Variants in CLASP1 observed in about 807,000 individuals in gnomAD.
The protein encoded by CLASP1 is CLIP-associating protein 1.
A neutral mutation model predicts 192.3 loss-of-function variants in CLASP1; 38 were observed. The observed-to-expected ratio is 0.20, with a 90% CI of 0.15 to 0.26. The LOEUF (loss-of-function observed/expected upper bound fraction) is 0.26, where lower values mean the gene tolerates loss of function less well. Among genes scored for constraint, CLASP1 ranks in the 10% least tolerant of loss-of-function variants. The probability of loss-of-function intolerance (pLI) is 1.00; values close to 1 mark genes in which losing one functional copy is unlikely to be tolerated. For missense variants in CLASP1, 1,433 were observed against 1,932.5 expected, an observed-to-expected ratio of 0.74 and a Z score of 4.85; for synonymous variants, 691 against 712.8, an observed-to-expected ratio of 0.97 and a Z score of 0.49.
rs541982110 is a variant in CLASP1 at position 121,516,379 on chromosome 2, G to A, written c.547-617C>T. Among the ~76,000 whole-genome samples, 5 of 152,342 alleles carry A rather than the reference G, an allele frequency of 3.3e-5. No individual in the cohort carries two copies. The South Asian group carries it at 6.2e-4, about 19-fold the overall frequency. On this transcript the variant is annotated intron_variant, in intron 6 of 39. Coordinates refer to ENST00000263710, the Ensembl canonical transcript of CLASP1. ...TGCCATATGAGGAAGAAACCACTGC[G>A]AAGTGCTTGGAACAGCAGGATTTCA... is the stretch of plus-strand genomic sequence containing the variant.
intron 2 of CLASP1, among the ~76,000 whole-genome samples, chr2:121,563,888 C>A (rs2105332746): frequency 6.6e-6 from 1 of 152,312 alleles, no homozygotes; most frequent in African/African-American, 2.4e-5. Context: ...ATTGGACTTA[C>A]AGTTCCACAT....
At chr2:121,507,652 T>C (rs1256727918) in intron 7 of CLASP1, among the ~76,000 whole-genome samples, 1 of 152,140 alleles carries the variant, frequency 6.6e-6, no homozygotes, top group Non-Finnish European at 1.5e-5. Flanking sequence ...AAATTTGATA[T>C]AAAACAATCT....
At chr2:121,374,335 A>G (rs1179765647) in intron 34 of CLASP1, among the ~76,000 whole-genome samples, 1 of 152,148 alleles carries the variant, frequency 6.6e-6, no homozygotes, top group Non-Finnish European at 1.5e-5. Context: ...ATTTTAGAGG[A>G]TGTATGAAAA....
chr2:121,364,497 A>C (rs2067009529), intron 36 of CLASP1: 1 of 158,144 alleles, frequency 6.3e-6, no homozygotes. Context: ...CGATGTGCAG[A>C]TCACAGACCA....
At chr2:121,636,990 A>G (rs1576661730) in intron 1 of CLASP1, among the ~76,000 whole-genome samples, 1 of 152,374 alleles carries the variant, frequency 6.6e-6, no homozygotes, top group East Asian at 1.9e-4. Context: ...GGTTAAGCAT[A>G]CCACCTGTAT....
intron 2 of CLASP1, among the ~76,000 whole-genome samples, chr2:121,576,388 G>C (rs955982695): frequency 7.2e-5 from 11 of 152,344 alleles, no homozygotes; most frequent in South Asian, 2.1e-4. Flanking sequence ...AGTGAGGAAA[G>C]CTCATCATCT....
intron 1 of CLASP1, among the ~76,000 whole-genome samples, chr2:121,637,445 T>C (rs1008091298): frequency 6.6e-6 from 1 of 152,140 alleles, no homozygotes; most frequent in Non-Finnish European, 1.5e-5. Context: ...TCACACCATG[T>C]ACAAAAATTA....
At position 121,576,773 on chromosome 2, in the gene CLASP1, GAAT is replaced by G. The variant is rs1243335646; in HGVS notation, c.195+28925_195+28927del. ...CTCATGTTCTGAAAATCTAAGGAAA[GAAT>G]AAAGCAGTCAAACTACCTTTCCTAT... On this transcript the variant is annotated intron_variant, in intron 2 of 39. Transcript: ENST00000263710. Among the ~76,000 whole-genome samples, 39 of 152,152 alleles carry G rather than the reference GAAT, an allele frequency of 2.6e-4. 1 individual carries two copies. The highest frequency in any genetic ancestry group is 2.2e-3 in the Admixed American group (33 of 15,270).
At chr2:121,382,765 G>A (rs1255982046) in intron 32 of CLASP1, among the ~76,000 whole-genome samples, 1 of 152,150 alleles carries the variant, frequency 6.6e-6, no homozygotes, top group East Asian at 1.9e-4. Context: ...ATTCAAATCG[G>A]ACCAGAGGGA....
At chr2:121,621,775 C>G (rs2106114893) in intron 1 of CLASP1, among the ~76,000 whole-genome samples, 1 of 152,170 alleles carries the variant, frequency 6.6e-6, no homozygotes, top group East Asian at 1.9e-4. Context: ...AATTCTGGGT[C>G]CCTTGCATTT....
chr2:121,450,936 G>A (rs374311856), exon 16 of CLASP1: 237 of 1,610,402 alleles, frequency 1.5e-4, no homozygotes, highest in South Asian at 3.0e-4. Context: ...TTCTTGCTTC[G>A]GAATCAGCAT....
chr2:121,531,571 G>C (rs1559540535), intron 2 of CLASP1, among the ~76,000 whole-genome samples: 1 of 142,226 alleles, frequency 7.0e-6, no homozygotes, highest in Non-Finnish European at 1.5e-5. Flanking sequence ...ACTCCAGCCT[G>C]GGCGACAGCG....
intron 2 of CLASP1, among the ~76,000 whole-genome samples, chr2:121,554,988 T>A (rs887362485): frequency 6.6e-6 from 1 of 152,202 alleles, no homozygotes; most frequent in African/African-American, 2.4e-5. Context: ...CCCAAACAAG[T>A]ATTTCTTATA....
intron 6 of CLASP1, among the ~76,000 whole-genome samples, chr2:121,518,426 C>T (rs79914048): frequency 0.022 from 3,345 of 151,930 alleles, 121 homozygotes; most frequent in African/African-American, 0.077. Flanking sequence ...AACCAGAACC[C>T]GGCCTCTAAA....
chr2:121,599,363 G>C (rs1270852061), intron 2 of CLASP1, among the ~76,000 whole-genome samples: 1 of 148,316 alleles, frequency 6.7e-6, no homozygotes, highest in Non-Finnish European at 1.5e-5. Flanking sequence ...GCCGAGGCTG[G>C]TGGATCAGGC....
chr2:121,535,519 A>G (rs1409650298), intron 2 of CLASP1, among the ~76,000 whole-genome samples: 6 of 152,226 alleles, frequency 3.9e-5, no homozygotes, highest in Admixed American at 3.9e-4. Flanking sequence ...AATAAAGTAA[A>G]GAGAAGCAAA....
Position 121,506,104 on chromosome 2 carries a change from T to C in CLASP1, c.645-2870A>G, listed in dbSNP as rs188261160. On this transcript the variant is annotated intron_variant, in intron 7 of 39. Transcript: ENST00000263710. Reference sequence around the variant, plus strand: ...ATATTGTGATCATAAAACAGGAGAGTAGCACTTTAAAATGGCAGAATAAGG... The same window carrying C: ...ATATTGTGATCATAAAACAGGAGAGCAGCACTTTAAAATGGCAGAATAAGG... Among the ~76,000 whole-genome samples the C allele has an allele frequency of 2.0e-4, 31 of 152,004 alleles. No homozygotes were observed. The East Asian group carries it at 4.8e-3, about 24-fold the overall frequency.
At chr2:121,589,318 C>T (rs1417033837) in intron 2 of CLASP1, among the ~76,000 whole-genome samples, 1 of 152,124 alleles carries the variant, frequency 6.6e-6, no homozygotes, top group African/African-American at 2.4e-5. Context: ...ACACTTACCC[C>T]TCACTACCCA....
chr2:121,647,368 C>CAAAAAT (rs1204819486), intron 1 of CLASP1, among the ~76,000 whole-genome samples: 1 of 151,942 alleles, frequency 6.6e-6, no homozygotes, highest in South Asian at 2.1e-4. Context: ...AACTCTGTTT[C>CAAAAAT]AAAAATAAAA....
Sources: allele counts gnomAD v4.1 joint callset (sites outside exome capture counted in the v4.1 genomes callset), GRCh38; gene constraint gnomAD v4.1.1; transcripts MANE v1.5; gene names NCBI Gene and HGNC (gene_info 2026-07-23, HGNC 2026-07-21).